The following INPP5J variants were observed in gnomAD, a reference collection of about 807,000 sequenced individuals.
INPP5J encodes the protein phosphatidylinositol 4,5-bisphosphate 5-phosphatase A.
INPP5J carries 75 observed loss-of-function variants against 86.6 expected under a neutral mutation model. The observed-to-expected ratio is 0.87, with a 90% CI of 0.72 to 1.05. The LOEUF (loss-of-function observed/expected upper bound fraction) is 1.05, where lower values mean the gene tolerates loss of function less well. INPP5J is among the 50% of genes least tolerant of loss of function. The probability of loss-of-function intolerance (pLI) is 0.00; values close to 1 mark genes in which losing one functional copy is unlikely to be tolerated. For missense variants in INPP5J, 1,229 were observed against 1,341.2 expected, an observed-to-expected ratio of 0.92 and a Z score of 1.31; for synonymous variants, 540 against 550.0, an observed-to-expected ratio of 0.98 and a Z score of 0.25.
Position 31,134,269 on chromosome 22 carries a change from C to A in INPP5J, c.2871C>A (p.Ser957Arg). 1.3e-6 allele frequency: 2 copies of A among 1,552,670 alleles called. No individual in the cohort carries two copies. Among genetic ancestry groups the A allele is most frequent in the Non-Finnish European group, 1.7e-6 (2 of 1,148,352 alleles). The change falls in exon 13 of 13, where the codon AGC (serine) becomes AGA (arginine). Residue 957 changes from serine to arginine, a missense_variant. Transcript: ENST00000331075. ...PWAFPPAVPRSLGLLPALRLE... is the reference protein window; with the variant it reads ...PWAFPPAVPRRLGLLPALRLE... The stretch of plus-strand genomic sequence containing the variant: ...CCTTCCCACCAGCTGTGCCTCGAAG[C>A]CTGGGCCTGTTGCCCGCCTTGCGCC...
At position 31,125,004 on chromosome 22, in the gene INPP5J, C is replaced by T. The variant is rs1242624739; in HGVS notation, c.265C>T (p.Leu89=). The T allele has an allele frequency of 2.5e-6, 4 of 1,569,572 alleles. No homozygotes were observed. Among genetic ancestry groups the T allele is most frequent in the Non-Finnish European group, 3.5e-6 (4 of 1,157,488 alleles). ...LASPRPILAP[L]CTPEGQKTAT... is the part of the protein sequence containing the mutation. ...ATCTCCCCGACCAATCCTGGCTCCA[C>T]TGTGTACCCCTGAAGGGCAGAAAAC... The change falls in exon 2 of 13, where the codon CTG becomes TTG. Residue 89 remains leucine, a synonymous_variant. Transcript: ENST00000331075.
rs776032583 is a variant in INPP5J at position 31,126,733 on chromosome 22, C to T, written c.1494+12C>T. 1 of 1,601,406 alleles carries T rather than the reference C, an allele frequency of 6.2e-7. No homozygotes were observed. The highest frequency in any genetic ancestry group is 1.1e-5 in the South Asian group (1 of 90,874). On this transcript the variant is annotated intron_variant, in intron 4 of 12. Transcript: ENST00000331075. Reference sequence around the variant, plus strand: ...TCAACTTCGTGCTGGTAACGCACCCCTCACCCCCTGGACAGCCAGAGACCC... The same window carrying T: ...TCAACTTCGTGCTGGTAACGCACCCTTCACCCCCTGGACAGCCAGAGACCC...
rs1921004576 is a variant in INPP5J, at chr22:31,123,020, G to A, written c.6G>A (p.Glu2=). ...GGCTGCCGGGGGCTGCAGACATGGA[G>A]GGCCAGAGCAGCAGGGGCAGCAGGA... The part of the protein sequence containing the change: M[E]GQSSRGSRRP... Residue 2 remains glutamate (E), a synonymous_variant, in exon 1 of 13, where the codon GAG becomes GAA. Coordinates refer to ENST00000331075, the MANE Select transcript of INPP5J (RefSeq NM_001284285.2). The A allele has an allele frequency of 2.8e-6, 4 of 1,453,432 alleles. No homozygotes were observed. The highest frequency in any genetic ancestry group is 3.6e-6 in the Non-Finnish European group (4 of 1,104,646). The allele number at this position is 1,453,432 out of a possible 1,614,324, so 90.0% of individuals were successfully genotyped here.
Position 31,133,192 on chromosome 22 carries a change from CAG to C in INPP5J, c.2289_2290del (p.Phe765ArgfsTer30). On this transcript the variant is annotated frameshift_variant, in exon 10 of 13. Coordinates refer to ENST00000331075, the MANE Select transcript of INPP5J (RefSeq NM_001284285.2). LOFTEE classifies it high-confidence loss of function. ...GCGGTGGTGAGGTACCGCATGGAAA[CAG>C]TGTTCGCCCGCAGCTCCTGGGACTG... 2 of 1,600,442 alleles carry C rather than the reference CAG, an allele frequency of 1.2e-6. No individual in the cohort carries two copies. Among genetic ancestry groups the C allele is most frequent in the Non-Finnish European group, 1.7e-6 (2 of 1,174,418 alleles).
intron 2 of INPP5J, 43 bp from the exon 3 acceptor site, chr22:31,126,333 G>T: frequency 6.8e-7 from 1 of 1,465,784 alleles, no homozygotes; most frequent in Non-Finnish European, 9.5e-7. Context: ...TGAGGGTGAG[G>T]GAGTGGTGCC....
In INPP5J at chr22:31,132,036, C is replaced by T. The variant is rs375659724; in HGVS notation, c.2194-1062C>T. ...TCAGCAGCTCCACCCATTCAGGTGG[C>T]GCCCCTGGTGGGTCTGGGTTGACCT... is the stretch of plus-strand genomic sequence containing the variant. On this transcript the variant is annotated intron_variant, in intron 9 of 12. Coordinates refer to ENST00000331075, the MANE Select transcript of INPP5J (RefSeq NM_001284285.2). 2.0e-5 allele frequency among the ~76,000 whole-genome samples: 3 copies of T among 152,326 alleles called. No individual in the cohort carries two copies. The East Asian group carries it at 5.8e-4, about 29-fold the overall frequency.
chr22:31,132,214 G>C (rs1222984403), intron 9 of INPP5J, among the ~76,000 whole-genome samples: 2 of 152,206 alleles, frequency 1.3e-5, no homozygotes. Flanking sequence ...TAGCAGTAGA[G>C]CCTGGAAGTG....
At chr22:31,126,866 C>CGCGAGG in intron 4 of INPP5J, 55 bp from the exon 5 acceptor site, 1 of 1,461,992 alleles carries the variant, frequency 6.8e-7, no homozygotes, top group Non-Finnish European at 9.5e-7. Context: ...TGAAGGTGGG[C>CGCGAGG]GCGAGGGCGG....
At position 31,134,423 on chromosome 22, in the gene INPP5J, T is replaced by TG; in HGVS notation, c.*8dup. On this transcript the variant is annotated 3_prime_UTR_variant, in exon 13 of 13. Transcript: ENST00000331075. ...GGAAGGGGGCCTGGGGCCCTGAGGGTGGGGTAGGCAGATGGGCCAAGGTGA... is the reference window on the plus strand; with the variant it reads ...GGAAGGGGGCCTGGGGCCCTGAGGGTGGGGGTAGGCAGATGGGCCAAGGTGA... 13 of 1,450,260 alleles carry TG rather than the reference T, an allele frequency of 9.0e-6. No homozygotes were observed. Among genetic ancestry groups the TG allele is most frequent in the Non-Finnish European group, 1.2e-5 (13 of 1,101,152 alleles). 89.8% of individuals were successfully genotyped at this position (1,450,260 alleles called of 1,614,324 possible).
chr22:31,125,994 A>G lies in INPP5J; in HGVS notation c.1255A>G (p.Ser419Gly). Residue 419 changes from serine to glycine, a missense_variant, in exon 2 of 13, where the codon AGC becomes GGC. Physicochemically the swap from Ser to Gly is moderately conservative, Grantham distance 56. Transcript: ENST00000331075. ...SPWSAQPTWK[S>G]DPGFRITVVT... ...TTGGTCAGCTCAGCCTACCTGGAAG[A>G]GCGACCCCGGCTTCCGGTGAGGGGG... The G allele has an allele frequency of 6.3e-7, 1 of 1,576,246 alleles. No individual in the cohort carries two copies. The highest frequency in any genetic ancestry group is 8.6e-7 in the Non-Finnish European group (1 of 1,157,574).
intron 9 of INPP5J, 139 bp from the exon 10 acceptor site, chr22:31,132,959 C>G: frequency 8.9e-7 from 1 of 1,127,854 alleles, no homozygotes; most frequent in East Asian, 2.6e-5. Context: ...TATACTAGAC[C>G]TGTTCTGCCT....
chr22:31,132,444 G>A (rs1186136276), intron 9 of INPP5J, among the ~76,000 whole-genome samples: 1 of 152,082 alleles, frequency 6.6e-6, no homozygotes, highest in Non-Finnish European at 1.5e-5. Context: ...AGTAAAATAA[G>A]AGTCTCTGAG....
rs969166853 is a variant in INPP5J, at chr22:31,126,941, G to C, written c.1515G>C (p.Gln505His). Residue 505 changes from glutamine to histidine, a missense_variant, in exon 5 of 13, where the codon CAG (glutamine) becomes CAC (histidine). By Grantham distance (24) the Gln-to-His change is conservative. Transcript: ENST00000331075. The stretch of plus-strand genomic sequence containing the variant: ...TGCAGGTGAGTTCGGTGAGGATGCA[G>C]GGTGTCATCCTGCTGCTGTTCGCCA... The part of the protein sequence containing the change: ...NFVLVSSVRM[Q>H]GVILLLFAKY... 5.0e-6 allele frequency: 8 copies of C among 1,609,856 alleles called. No individual in the cohort carries two copies. In the African/African-American group the frequency reaches 5.3e-5, roughly 11 times the overall value.
Position 31,128,458 on chromosome 22 carries a change from C to T in INPP5J, c.2010-13C>T. 1 of 1,613,076 alleles carries T rather than the reference C, an allele frequency of 6.2e-7. No homozygotes were observed. Among genetic ancestry groups the T allele is most frequent in the Non-Finnish European group, 8.5e-7 (1 of 1,179,666 alleles). On this transcript the variant is annotated splice_polypyrimidine_tract_variant and intron_variant, in intron 8 of 12. Coordinates refer to ENST00000331075, the MANE Select transcript of INPP5J (RefSeq NM_001284285.2). Reference sequence around the variant, plus strand: ...CCAGCCCCTGAAACTTGGGGTACCCCTGCTCACTGCAGTGCCAAGAAACGG... The same window carrying T: ...CCAGCCCCTGAAACTTGGGGTACCCTTGCTCACTGCAGTGCCAAGAAACGG...
At position 31,125,895 on chromosome 22, in the gene INPP5J, C is replaced by T. The variant is rs1921357139; in HGVS notation, c.1156C>T (p.Pro386Ser). 5.0e-6 allele frequency: 8 copies of T among 1,611,408 alleles called. No individual in the cohort carries two copies. Among genetic ancestry groups the T allele is most frequent in the Non-Finnish European group, 6.8e-6 (8 of 1,178,318 alleles). The change falls in exon 2 of 13, where the codon CCC (proline) becomes TCC (serine). Residue 386 changes from proline to serine, a missense_variant. Physicochemically the swap from Pro to Ser is moderately conservative, Grantham distance 74. Transcript: ENST00000331075. ...QSTGPGRCLS[P>S]NLQAQEAPAP... ...TACAGGGCCTGGCAGGTGCCTGAGC[C>T]CCAACCTTCAGGCCCAAGAAGCCCC...
Position 31,126,391 on chromosome 22 carries a change from A to G in INPP5J, c.1287A>G (p.Thr429=), listed in dbSNP as rs201915385. ...CTGCCCTCAGGATCACTGTGGTCAC[A>G]TGGAACGTGGGCACTGCCATGCCCC... is the stretch of plus-strand genomic sequence containing the variant. The part of the protein sequence containing the change: ...SDPGFRITVV[T]WNVGTAMPPD... The change falls in exon 3 of 13, where the codon ACA becomes ACG. Residue 429 remains threonine, a synonymous_variant. Coordinates refer to ENST00000331075, the MANE Select transcript of INPP5J (RefSeq NM_001284285.2). 2,366 of 1,613,574 alleles carry G rather than the reference A, an allele frequency of 1.5e-3. 7 individuals carry two copies. Among genetic ancestry groups the G allele is most frequent in the Non-Finnish European group, 1.9e-3 (2,252 of 1,179,716 alleles).
At chr22:31,129,605 G>C (rs570078933) in intron 9 of INPP5J, among the ~76,000 whole-genome samples, 3 of 142,296 alleles carry the variant, frequency 2.1e-5, no homozygotes, top group Non-Finnish European at 1.5e-5. Context: ...GTGCAGTGGC[G>C]TGGTCTCGGC....
At chr22:31,127,590 G>A (rs1420582445) in intron 6 of INPP5J, 58 bp downstream of exon 6, 3 of 1,527,636 alleles carry the variant, frequency 2.0e-6, no homozygotes, top group Non-Finnish European at 2.7e-6. Context: ...GGGGGTTTTT[G>A]TACCACCTTG....
At chr22:31,128,186 C>A in intron 7 of INPP5J, 28 bp from the exon 8 acceptor site, 2 of 1,536,016 alleles carry the variant, frequency 1.3e-6, no homozygotes, top group Non-Finnish European at 1.8e-6. Flanking sequence ...AAGCTGTTGT[C>A]CAATCTGCTC....
Sources: allele counts gnomAD v4.1 joint callset (sites outside exome capture counted in the v4.1 genomes callset), GRCh38; gene constraint gnomAD v4.1.1; transcripts MANE v1.5; gene names NCBI Gene and HGNC (gene_info 2026-07-23, HGNC 2026-07-21).